LMO2: variants seen among roughly 807,000 people sequenced by gnomAD.
LMO2 encodes the protein rhombotin-2.
In LMO2, 20 loss-of-function variants were observed where a neutral mutation model predicts 23.2. That is an observed-to-expected ratio of 0.86 (90% CI 0.61 to 1.25). The LOEUF (loss-of-function observed/expected upper bound fraction) is 1.25, where lower values mean the gene tolerates loss of function less well. LMO2 is among the 50% of genes most tolerant of loss of function. The probability of loss-of-function intolerance (pLI) is 0.00; values close to 1 mark genes in which losing one functional copy is unlikely to be tolerated. For synonymous variants in LMO2, 123 were observed against 130.2 expected, an observed-to-expected ratio of 0.94 and a Z score of 0.38; for missense variants, 270 against 315.3, an observed-to-expected ratio of 0.86 and a Z score of 1.09.
chr11:33,881,695 A>C (rs547728587), intron 2 of LMO2, 129 bp downstream of exon 2: 158 of 312,954 alleles, frequency 5.0e-4, no homozygotes, highest in Middle Eastern at 3.4e-3. Flanking sequence ...GCTTCCCCAA[A>C]GACCTCAAGC....
At chr11:33,874,008 A>C (rs1857082042) in intron 2 of LMO2, among the ~76,000 whole-genome samples, 1 of 152,258 alleles carries the variant, frequency 6.6e-6, no homozygotes, top group African/African-American at 2.4e-5. Flanking sequence ...GCCAAGTTGC[A>C]ACATATGCTT....
intron 5 of LMO2, among the ~76,000 whole-genome samples, chr11:33,859,929 AG>A (rs896172316): frequency 1.3e-5 from 2 of 152,270 alleles, no homozygotes; most frequent in Admixed American, 1.3e-4. Context: ...GTCCCCTCCC[AG>A]GGGAACCCTC....
Position 33,871,708 on chromosome 11 carries a change from T to C in LMO2, c.-271-1721A>G, listed in dbSNP as rs564773089. Among the ~76,000 whole-genome samples the C allele has an allele frequency of 3.9e-5, 6 of 152,024 alleles. No individual in the cohort carries two copies. The East Asian group carries it at 5.8e-4, about 15-fold the overall frequency. On this transcript the variant is annotated intron_variant, in intron 2 of 5. Coordinates refer to ENST00000257818, the MANE Select transcript of LMO2 (RefSeq NM_005574.4). Reference sequence around the variant, plus strand: ...TAACCTACCACACTACTTTCATTTCTAACAGAAATGAAAATAAATATATAG... The same window carrying C: ...TAACCTACCACACTACTTTCATTTCCAACAGAAATGAAAATAAATATATAG...
chr11:33,865,002 G>A (rs753986019), intron 4 of LMO2, 185 bp from the exon 5 acceptor site: 17 of 644,122 alleles, frequency 2.6e-5, no homozygotes, highest in Non-Finnish European at 3.7e-5. Context: ...GGGTTAAGAC[G>A]GGAAAGAGCC....
chr11:33,878,007 G>C (rs552292175), intron 2 of LMO2, among the ~76,000 whole-genome samples: 1 of 152,138 alleles, frequency 6.6e-6, no homozygotes, highest in Admixed American at 6.5e-5. Flanking sequence ...CCATGCTCAA[G>C]AATTTGCAAT....
chr11:33,875,578 C>CAAAAAA (rs71037312), intron 2 of LMO2, among the ~76,000 whole-genome samples: 1 of 115,130 alleles, frequency 8.7e-6, no homozygotes, highest in East Asian at 2.6e-4. Context: ...AACTCCTTCT[C>CAAAAAA]AAAAAAAAAA....
intron 5 of LMO2, among the ~76,000 whole-genome samples, chr11:33,860,765 G>A (rs1424201299): frequency 6.6e-6 from 1 of 152,062 alleles, no homozygotes; most frequent in East Asian, 1.9e-4. Flanking sequence ...GCCATACCTT[G>A]ACTCAAAAGA....
chr11:33,869,274 G>T, intron 4 of LMO2, 72 bp downstream of exon 4: 1 of 1,097,632 alleles, frequency 9.1e-7, no homozygotes, highest in South Asian at 4.4e-5. Flanking sequence ...CGGGCCGCCC[G>T]GGTCCCCCCG....
At position 33,869,501 on chromosome 11, in the gene LMO2, G is replaced by C; in HGVS notation, c.93C>G (p.Asp31Glu). 1.7e-6 allele frequency: 2 copies of C among 1,199,480 alleles called. No homozygotes were observed. Among genetic ancestry groups the C allele is most frequent in the Non-Finnish European group, 2.1e-6 (2 of 963,222 alleles). The allele number at this position is 1,199,480 out of a possible 1,614,324, so 74.3% of individuals were successfully genotyped here. Residue 31 changes from aspartate to glutamate, a missense_variant, in exon 4 of 6, where the codon GAC (aspartate) becomes GAG (glutamate). Transcript: ENST00000257818. The part of the protein sequence containing the change: ...RSKRRRRSGG[D>E]GGGGGGARAP... The stretch of plus-strand genomic sequence containing the variant: ...CTCGGGCGCCGCCGCCGCCGCCGCC[G>C]TCGCCGCCGCTCCTGCGCCTCCGCT...
intron 1 of LMO2, among the ~76,000 whole-genome samples, chr11:33,890,856 C>G (rs1330099188): frequency 6.6e-6 from 1 of 152,150 alleles, no homozygotes; most frequent in East Asian, 1.9e-4. Context: ...AGGCTGCCAT[C>G]TTTCTAAGGT....
intron 1 of LMO2, among the ~76,000 whole-genome samples, chr11:33,887,190 T>G (rs1408547469): frequency 6.6e-6 from 1 of 152,250 alleles, no homozygotes; most frequent in African/African-American, 2.4e-5. Flanking sequence ...TAAGGAAAAC[T>G]GATTTGGAAA....
At chr11:33,866,591 TC>T (rs1856793117) in intron 4 of LMO2, among the ~76,000 whole-genome samples, 1 of 152,206 alleles carries the variant, frequency 6.6e-6, no homozygotes, top group Non-Finnish European at 1.5e-5. Context: ...AGCACTGCAC[TC>T]TAGACTAGAC....
At chr11:33,870,668 T>C in intron 2 of LMO2, 1 of 719,712 alleles carries the variant, frequency 1.4e-6, no homozygotes, top group Non-Finnish European at 1.7e-6. Flanking sequence ...CGGAATCCCC[T>C]CCCTCTGCAC....
chr11:33,878,685 T>C (rs2133709085), intron 2 of LMO2, among the ~76,000 whole-genome samples: 1 of 152,334 alleles, frequency 6.6e-6, no homozygotes, highest in East Asian at 1.9e-4. Context: ...GCTACATCTT[T>C]ACCCTGAAGG....
At chr11:33,869,686 T>C in intron 3 of LMO2, 24 bp downstream of exon 3, 1 of 1,245,524 alleles carries the variant, frequency 8.0e-7, no homozygotes. Flanking sequence ...CGGCTGCAGC[T>C]GCTGCTGCTG....
chr11:33,860,642 T>C (rs1299887854), intron 5 of LMO2, among the ~76,000 whole-genome samples: 1 of 152,014 alleles, frequency 6.6e-6, no homozygotes, highest in Non-Finnish European at 1.5e-5. Flanking sequence ...TGCATGCCTC[T>C]AGTCTCAGCT....
chr11:33,881,188 G>A (rs981789069), intron 2 of LMO2: 12 of 456,908 alleles, frequency 2.6e-5, no homozygotes, highest in Non-Finnish European at 4.0e-5. Context: ...CAAAGACTTC[G>A]AGACTGCCGT....
chr11:33,891,218 T>TG (rs1272601339), intron 1 of LMO2, among the ~76,000 whole-genome samples: 1 of 152,308 alleles, frequency 6.6e-6, no homozygotes, highest in Admixed American at 6.5e-5. Flanking sequence ...ATAACCTCCT[T>TG]GGGAGCCAAG....
rs941146051 is a variant in LMO2, at chr11:33,888,746, C to T, written c.-336+3049G>A. Reference sequence around the variant, plus strand: ...TGCTTATTTGATTGGTGTCTGTCTCCCCCTCTCAAGTTTGTAAGCCCCTTT... The same window carrying T: ...TGCTTATTTGATTGGTGTCTGTCTCTCCCTCTCAAGTTTGTAAGCCCCTTT... On this transcript the variant is annotated intron_variant, in intron 1 of 5. Transcript: ENST00000257818. 7.2e-5 allele frequency among the ~76,000 whole-genome samples: 11 copies of T among 152,184 alleles called. No individual in the cohort carries two copies. In the South Asian group the frequency reaches 2.3e-3, roughly 32 times the overall value.
Sources: gnomAD v4.1 joint callset for allele counts (sites outside exome capture counted in the v4.1 genomes callset) on GRCh38, gnomAD v4.1.1 for gene constraint, MANE v1.5 for transcripts, NCBI Gene and HGNC (gene_info 2026-07-23, HGNC 2026-07-21) for gene names.